Variants in KLF12 observed in about 807,000 individuals in gnomAD.
KLF12 encodes the protein Krueppel-like factor 12.
KLF12 carries 9 observed loss-of-function variants against 37.8 expected under a neutral mutation model. That is an observed-to-expected ratio of 0.24 (90% confidence interval 0.14 to 0.42). The LOEUF is 0.42. Ranked by LOEUF, KLF12 falls within the 10% of genes least tolerant of loss-of-function variation. The pLI is 1.00. For synonymous variants in KLF12, 208 were observed against 202.1 expected (o/e 1.03, Z -0.25); for missense variants, 411 against 516.0 (o/e 0.80, Z 1.97).
intron 1 of KLF12, among the ~76,000 whole-genome samples, chr13:74,013,344 G>A (rs1309882035): frequency 1.3e-5 from 2 of 152,206 alleles, no homozygotes; most frequent in East Asian, 1.9e-4. Flanking sequence ...TTGAGACCGA[G>A]GTGGCTAGCC....
At chr13:74,077,923 C>T (rs1874658344) in intron 1 of KLF12, among the ~76,000 whole-genome samples, 1 of 152,164 alleles carries the variant, frequency 6.6e-6, no homozygotes, top group Non-Finnish European at 1.5e-5. Context: ...AGTTATTAAA[C>T]TTCTAAATTA....
At chr13:74,043,691 G>C in intron 1 of KLF12, among the ~76,000 whole-genome samples, 1 of 152,186 alleles carries the variant, frequency 6.6e-6, no homozygotes. Flanking sequence ...TTTTCCCTTA[G>C]AATTCCTTGA....
At chr13:73,802,090 T>G (rs1449970508) in intron 5 of KLF12, 2 of 152,108 alleles carry the variant, frequency 1.3e-5, no homozygotes, top group Non-Finnish European at 2.9e-5. Flanking sequence ...TCGATTTAGT[T>G]GGGGGGTGTC....
At chr13:74,246,021 T>A in the KLF12 span, among the ~76,000 whole-genome samples, 1 of 152,230 alleles carries the variant, frequency 6.6e-6, no homozygotes, top group South Asian at 2.1e-4. Context: ...CCTAAAGGTC[T>A]TTTTCTCAAG....
intron 3 of KLF12, among the ~76,000 whole-genome samples, chr13:73,887,276 T>C (rs1887276179): frequency 6.6e-6 from 1 of 152,178 alleles, no homozygotes; most frequent in Non-Finnish European, 1.5e-5. Flanking sequence ...AAAGATGATA[T>C]GGTTTAGATA....
the KLF12 span, among the ~76,000 whole-genome samples, chr13:74,178,335 GTTTGT>G: frequency 6.7e-6 from 1 of 150,136 alleles, no homozygotes; most frequent in Non-Finnish European, 1.5e-5. Context: ...TTGTTTGTTT[GTTTGT>G]TTTGTTTTGT....
chr13:74,178,735 G>T, the KLF12 span, among the ~76,000 whole-genome samples: 3,577 of 152,152 alleles, frequency 0.024, 93 homozygotes, highest in African/African-American at 0.054. Context: ...CTTCTCTATG[G>T]ACCCCAATCT....
chr13:73,710,469 G>A (rs1015180120), intron 7 of KLF12, among the ~76,000 whole-genome samples: 5 of 133,556 alleles, frequency 3.7e-5, no homozygotes, highest in Non-Finnish European at 8.0e-5. Context: ...GTTTACTGGC[G>A]CCATTTTCCC....
the KLF12 span, among the ~76,000 whole-genome samples, chr13:74,282,622 T>C: frequency 6.6e-6 from 1 of 152,150 alleles, no homozygotes; most frequent in Non-Finnish European, 1.5e-5. Flanking sequence ...TTCAGATCTA[T>C]GGGTGACTGC....
the KLF12 span, among the ~76,000 whole-genome samples, chr13:74,143,706 C>T: frequency 6.6e-6 from 1 of 152,108 alleles, no homozygotes. Context: ...ATGTTCCAAC[C>T]TACAATTTTT....
the KLF12 span, among the ~76,000 whole-genome samples, chr13:74,224,479 G>A: frequency 5.3e-5 from 8 of 152,036 alleles, no homozygotes; most frequent in South Asian, 6.2e-4. Flanking sequence ...TATACTCTAC[G>A]ATGTGATTAA....
chr13:73,704,242 T>C (rs997166584), intron 7 of KLF12, among the ~76,000 whole-genome samples: 2 of 152,130 alleles, frequency 1.3e-5, no homozygotes, highest in African/African-American at 4.8e-5. Flanking sequence ...TACCTCAGTC[T>C]CTCTCCTAAG....
intron 6 of KLF12, among the ~76,000 whole-genome samples, chr13:73,746,089 C>T (rs1042291833): frequency 1.3e-5 from 2 of 150,672 alleles, no homozygotes; most frequent in Admixed American, 6.6e-5. Flanking sequence ...AAAAACTGTG[C>T]ATTGCCACAG....
the KLF12 span, among the ~76,000 whole-genome samples, chr13:74,171,966 T>C: frequency 6.6e-6 from 1 of 152,200 alleles, no homozygotes; most frequent in Admixed American, 6.5e-5. Flanking sequence ...CTTCTGATAA[T>C]TGGCCCACCA....
At chr13:74,178,143 A>T in the KLF12 span, among the ~76,000 whole-genome samples, 136 of 152,290 alleles carry the variant, frequency 8.9e-4, no homozygotes, top group African/African-American at 2.6e-3. Context: ...CCTTATGGTC[A>T]TCAGCCAGTG....
At chr13:74,084,835 G>A (rs1875163601) in intron 1 of KLF12, among the ~76,000 whole-genome samples, 1 of 151,898 alleles carries the variant, frequency 6.6e-6, no homozygotes, top group Admixed American at 6.6e-5. Context: ...AAAAAAAAAG[G>A]GATGGGAACA....
the KLF12 span, among the ~76,000 whole-genome samples, chr13:74,180,917 T>A: frequency 3.3e-5 from 5 of 152,200 alleles, no homozygotes; most frequent in Non-Finnish European, 7.3e-5. Context: ...TTGTATGTAG[T>A]CTGCTCAAAT....
At chr13:74,138,329 A>AT (rs758779887), upstream of KLF12, among the ~76,000 whole-genome samples, 2 of 152,202 alleles carry the variant, frequency 1.3e-5, no homozygotes, top group South Asian at 2.1e-4. Context: ...TACAATCTTG[A>AT]TTTTTTTCCT....
Position 73,692,625 on chromosome 13 carries a change from GA to G in KLF12, c.*2864del, listed in dbSNP as rs757644511. ...AAATGGAGGCTCTTCCATGACTGAA[GA>G]CATTCCATTTCTTTCTGTCCCAAAC... On this transcript the variant is annotated 3_prime_UTR_variant, in exon 8 of 8. Transcript: ENST00000377669. The G allele has an allele frequency of 7.2e-5, 11 of 152,764 alleles. No homozygotes were observed. In the East Asian group the frequency reaches 2.1e-3, roughly 30 times the overall value. 9.5% of individuals were successfully genotyped at this position (152,764 alleles called of 1,614,324 possible). A position where few individuals can be genotyped will look rare whatever the true frequency, so the allele number is the denominator to read the frequency against.
Sources: allele counts gnomAD v4.1 joint callset (sites outside exome capture counted in the v4.1 genomes callset), GRCh38; gene constraint gnomAD v4.1.1; transcripts MANE v1.5; gene names NCBI Gene and HGNC (gene_info 2026-07-23, HGNC 2026-07-21).